Variants in RALGPS2 observed in about 807,000 individuals in gnomAD.
RALGPS2 encodes the protein Ral GEF with PH domain and SH3 binding motif 2.
In RALGPS2, 43 loss-of-function variants were observed where a neutral mutation model predicts 86.8. The observed-to-expected ratio is 0.50, with a 90% CI of 0.39 to 0.64. The LOEUF is 0.64. RALGPS2 is among the 30% of genes least tolerant of loss of function. The pLI is 0.00. For synonymous variants in RALGPS2, 243 were observed against 231.3 expected (o/e 1.05, Z -0.46); for missense variants, 536 against 694.6 (o/e 0.77, Z 2.57).
At chr1:178,761,058 T>C (rs1045449739) in intron 1 of RALGPS2, among the ~76,000 whole-genome samples, 1 of 151,434 alleles carries the variant, frequency 6.6e-6, no homozygotes, top group African/African-American at 2.4e-5. Context: ...CACCACAACC[T>C]TTGCCTCCCA....
At chr1:178,857,066 G>T (rs1248336296) in intron 8 of RALGPS2, among the ~76,000 whole-genome samples, 1 of 152,116 alleles carries the variant, frequency 6.6e-6, no homozygotes, top group African/African-American at 2.4e-5. Flanking sequence ...TAGGAAGGAA[G>T]GGTAAAGAGC....
intron 8 of RALGPS2, among the ~76,000 whole-genome samples, chr1:178,849,546 C>T (rs942030760): frequency 2.0e-5 from 3 of 152,104 alleles, no homozygotes; most frequent in African/African-American, 7.2e-5. Context: ...AACTGAGAAG[C>T]CTTGGTAAAG....
At chr1:178,834,005 G>C (rs572303553) in intron 8 of RALGPS2, among the ~76,000 whole-genome samples, 19 of 152,158 alleles carry the variant, frequency 1.2e-4, no homozygotes, top group Middle Eastern at 6.8e-3. Context: ...ATTTAGCTTC[G>C]TGCTGAGACA....
At chr1:178,845,282 G>A (rs6668542) in intron 8 of RALGPS2, among the ~76,000 whole-genome samples, 71,004 of 151,762 alleles carry the variant, frequency 0.47, 18,011 homozygotes, top group African/African-American at 0.66. Context: ...CCTTTTTCCT[G>A]TTGGAGAGAG....
chr1:178,848,966 A>G (rs565040878), intron 8 of RALGPS2, among the ~76,000 whole-genome samples: 43 of 152,152 alleles, frequency 2.8e-4, no homozygotes, highest in Non-Finnish European at 5.7e-4. Context: ...TTGATCACCT[A>G]CTCTATGCAA....
At chr1:178,731,550 T>C (rs538080446) in intron 1 of RALGPS2, among the ~76,000 whole-genome samples, 1 of 152,262 alleles carries the variant, frequency 6.6e-6, no homozygotes, top group Admixed American at 6.5e-5. Context: ...CTCAGAGTGC[T>C]GGGATTACAG....
At chr1:178,817,977 A>G (rs1558132689) in intron 6 of RALGPS2, among the ~76,000 whole-genome samples, 1 of 152,192 alleles carries the variant, frequency 6.6e-6, no homozygotes, top group African/African-American at 2.4e-5. Flanking sequence ...TTTAAACATT[A>G]TATTTAAAAG....
intron 7 of RALGPS2, among the ~76,000 whole-genome samples, chr1:178,828,605 C>T (rs1655866632): frequency 6.6e-6 from 1 of 152,144 alleles, no homozygotes; most frequent in South Asian, 2.1e-4. Context: ...AAAAAATGGG[C>T]AAAGGATCTG....
At chr1:178,876,135 C>A (rs1360877167) in intron 8 of RALGPS2, among the ~76,000 whole-genome samples, 1 of 152,100 alleles carries the variant, frequency 6.6e-6, no homozygotes, top group African/African-American at 2.4e-5. Flanking sequence ...CAAAACATTG[C>A]ACAAGATTTT....
At chr1:178,789,712 T>C (rs80178208) in intron 4 of RALGPS2, among the ~76,000 whole-genome samples, 4 of 152,198 alleles carry the variant, frequency 2.6e-5, no homozygotes, top group Non-Finnish European at 4.4e-5. Context: ...GTGGGTGAGA[T>C]TATCAAGAGA....
At chr1:178,894,116 C>G in intron 16 of RALGPS2, 92 bp downstream of exon 16, 1 of 742,648 alleles carries the variant, frequency 1.3e-6, no homozygotes, top group Non-Finnish European at 2.1e-6. Context: ...TAAAATAAAA[C>G]CTGATTATAG....
At chr1:178,853,033 C>T (rs114222276) in intron 8 of RALGPS2, 15 of 1,504,398 alleles carry the variant, frequency 1.0e-5, no homozygotes, top group African/African-American at 2.8e-5. Context: ...GTTAAACATT[C>T]GATAGCATAA....
At chr1:178,808,326 G>C (rs1392508069) in intron 5 of RALGPS2, among the ~76,000 whole-genome samples, 198 bp downstream of exon 5, 1 of 151,746 alleles carries the variant, frequency 6.6e-6, no homozygotes, top group Non-Finnish European at 1.5e-5. Context: ...ATTCTTTCCT[G>C]CTTGTCTCTT....
intron 4 of RALGPS2, among the ~76,000 whole-genome samples, chr1:178,805,493 A>G (rs112673230): frequency 2.6e-5 from 4 of 151,632 alleles, no homozygotes; most frequent in African/African-American, 7.3e-5. Flanking sequence ...AGCTTTCTAC[A>G]TATGGCTAGC....
At chr1:178,840,510 A>C (rs902152448) in intron 8 of RALGPS2, among the ~76,000 whole-genome samples, 3 of 152,230 alleles carry the variant, frequency 2.0e-5, no homozygotes, top group African/African-American at 7.2e-5. Context: ...CAGTGTGTAG[A>C]GGGAAATTTA....
intron 7 of RALGPS2, among the ~76,000 whole-genome samples, chr1:178,825,126 A>G (rs895316220): frequency 2.0e-5 from 3 of 152,112 alleles, no homozygotes; most frequent in Admixed American, 2.0e-4. Flanking sequence ...TTAATCATGA[A>G]TTTAAAGTAA....
In RALGPS2 at chr1:178,776,728, T is replaced by TGA; in HGVS notation, c.-36_-35insAG. 1 of 1,554,882 alleles carries TGA rather than the reference T, an allele frequency of 6.4e-7. No homozygotes were observed. The highest frequency in any genetic ancestry group is 8.8e-7 in the Non-Finnish European group (1 of 1,135,320). ...GGACATGAGGCAGTCAGTCCTCTGTTGCTGTTAACATAAGGTCAGGGACTG... is the reference window on the plus strand; with the variant it reads ...GGACATGAGGCAGTCAGTCCTCTGTTGAGCTGTTAACATAAGGTCAGGGACTG... On this transcript the variant is annotated 5_prime_UTR_variant, in exon 2 of 20. An upstream open reading frame in the 5' UTR gains an earlier in-frame stop. Transcript: ENST00000367635.
In RALGPS2 at chr1:178,857,481, T is replaced by C. The variant is rs1264344791; in HGVS notation, c.608-20017T>C. Among the ~76,000 whole-genome samples, 3 of 152,126 alleles carry C rather than the reference T, an allele frequency of 2.0e-5. No homozygotes were observed. The East Asian group carries it at 5.8e-4, about 29-fold the overall frequency. On this transcript the variant is annotated intron_variant, in intron 8 of 19. Transcript: ENST00000367635. ...CAAGAAAGAGAGAATTCCACTATAA[T>C]ATGACAAGTACTTTGATGGAGTTAT...
chr1:178,834,259 T>C (rs1238796180), intron 8 of RALGPS2, among the ~76,000 whole-genome samples: 1 of 152,160 alleles, frequency 6.6e-6, no homozygotes, highest in Admixed American at 6.5e-5. Context: ...TAAAATGAAT[T>C]GATTTGATCC....
Sources: allele counts gnomAD v4.1 joint callset (sites outside exome capture counted in the v4.1 genomes callset), GRCh38; gene constraint gnomAD v4.1.1; transcripts MANE v1.5; gene names NCBI Gene and HGNC (gene_info 2026-07-23, HGNC 2026-07-21).